ADGRL4: variants seen among roughly 807,000 people sequenced by gnomAD.
ADGRL4 encodes the protein adhesion G protein-coupled receptor L4, also known as EGF, latrophilin and seven transmembrane domain containing 1.
A neutral mutation model predicts 74.8 loss-of-function variants in ADGRL4; 90 were observed. The ratio of observed to expected loss-of-function variants is 1.20; its 90% CI spans 1.02 to 1.43. The LOEUF (loss-of-function observed/expected upper bound fraction) is 1.43. Among genes scored for constraint, ADGRL4 ranks in the 40% most tolerant of loss-of-function variants. The pLI is 0.00. For synonymous variants in ADGRL4, 311 were observed against 279.2 expected, an observed-to-expected ratio of 1.11 and a Z score of -1.14; for missense variants, 881 against 814.3, an observed-to-expected ratio of 1.08 and a Z score of -1.00.
chr1:78,891,140 A>C lies in ADGRL4; in HGVS notation c.*14T>G, dbSNP rs988666224. On this transcript the variant is annotated 3_prime_UTR_variant, in exon 15 of 15. Coordinates refer to ENST00000370742, the MANE Select transcript of ADGRL4 (RefSeq NM_022159.4). ...TATTTTTGTGCAGTTGTAATTATCC[A>C]CCATTCTCTATGTTTACCTTAAACA... The C allele has an allele frequency of 1.2e-6, 2 of 1,610,970 alleles. No individual in the cohort carries two copies. The highest frequency in any genetic ancestry group is 2.7e-5 in the African/African-American group (2 of 74,826).
intron 12 of ADGRL4, among the ~76,000 whole-genome samples, chr1:78,916,920 A>G (rs1648884149): frequency 6.6e-6 from 1 of 151,888 alleles, no homozygotes; most frequent in Admixed American, 6.6e-5. Context: ...AATGCTCTTC[A>G]GACATACAAA....
intron 2 of ADGRL4, among the ~76,000 whole-genome samples, chr1:78,946,649 TAA>T (rs1222738175): frequency 6.6e-6 from 1 of 152,164 alleles, no homozygotes; most frequent in Non-Finnish European, 1.5e-5. Context: ...TCTCTTACTT[TAA>T]AAGCACTAGA....
At chr1:78,954,343 GAA>G (rs1014543732) in intron 2 of ADGRL4, among the ~76,000 whole-genome samples, 5 of 151,686 alleles carry the variant, frequency 3.3e-5, no homozygotes, top group African/African-American at 9.7e-5. Flanking sequence ...GAAATGTACT[GAA>G]AATTCACAAT....
At chr1:78,983,507 T>A (rs1650436778) in intron 2 of ADGRL4, among the ~76,000 whole-genome samples, 1 of 149,438 alleles carries the variant, frequency 6.7e-6, no homozygotes, top group Non-Finnish European at 1.5e-5. Flanking sequence ...AGATTAAATA[T>A]AGCTATAGAA....
chr1:79,004,189 G>A (rs1028774145), intron 2 of ADGRL4, among the ~76,000 whole-genome samples: 1 of 151,972 alleles, frequency 6.6e-6, no homozygotes, highest in Admixed American at 6.6e-5. Context: ...ATACATTTAG[G>A]TGCATAACAC....
At chr1:78,980,995 G>C (rs190061664) in intron 2 of ADGRL4, among the ~76,000 whole-genome samples, 25 of 152,074 alleles carry the variant, frequency 1.6e-4, no homozygotes, top group Non-Finnish European at 3.2e-4. Context: ...CATTTGTGCA[G>C]TGTAGCCTAA....
At chr1:78,919,789 T>C (rs538752071) in intron 10 of ADGRL4, among the ~76,000 whole-genome samples, 3 of 152,102 alleles carry the variant, frequency 2.0e-5, no homozygotes, top group South Asian at 2.1e-4. Flanking sequence ...AAAACCAATT[T>C]ATCACATTCC....
chr1:78,918,982 A>C (rs921754673), intron 10 of ADGRL4, among the ~76,000 whole-genome samples: 4 of 152,072 alleles, frequency 2.6e-5, no homozygotes, highest in East Asian at 1.9e-4. Context: ...TTTGGGGTGA[A>C]GATAATGGTG....
intron 2 of ADGRL4, among the ~76,000 whole-genome samples, chr1:78,955,689 T>C (rs923568415): frequency 3.9e-5 from 6 of 152,104 alleles, no homozygotes; most frequent in Non-Finnish European, 7.4e-5. Flanking sequence ...TTCATTTTTT[T>C]CCTGATGTAA....
intron 12 of ADGRL4, among the ~76,000 whole-genome samples, chr1:78,896,011 C>T (rs760968065): frequency 3.3e-5 from 5 of 151,816 alleles, no homozygotes; most frequent in African/African-American, 4.8e-5. Flanking sequence ...CCAGTAGAGG[C>T]GAAGGAGGAC....
intron 2 of ADGRL4, among the ~76,000 whole-genome samples, chr1:79,002,501 G>A (rs1023835546): frequency 2.0e-5 from 3 of 152,096 alleles, no homozygotes; most frequent in African/African-American, 7.2e-5. Flanking sequence ...AAGTCAGAAT[G>A]TTAAGGGCCT....
In ADGRL4 at chr1:78,920,387, C is replaced by T; in HGVS notation, c.1258-1G>A. 6.5e-7 allele frequency: 1 copy of T among 1,540,350 alleles called. No individual in the cohort carries two copies. The highest frequency in any genetic ancestry group is 8.9e-7 in the Non-Finnish European group (1 of 1,122,444). ...TAAGAATATTATAATCTTTAATACC[C>T]TAAGGGAAAATAATAATAAAGCAGT... On this transcript the variant is annotated splice_acceptor_variant, in intron 9 of 14. Coordinates refer to ENST00000370742, the MANE Select transcript of ADGRL4 (RefSeq NM_022159.4). LOFTEE classifies it high-confidence loss of function.
At chr1:78,990,640 TG>T (rs1274523266) in intron 2 of ADGRL4, among the ~76,000 whole-genome samples, 9 of 151,970 alleles carry the variant, frequency 5.9e-5, no homozygotes, top group Non-Finnish European at 4.4e-5. Flanking sequence ...ACAAATAAAC[TG>T]AAATTCAAAG....
chr1:78,970,235 C>G (rs777961258), intron 2 of ADGRL4, among the ~76,000 whole-genome samples: 12 of 152,052 alleles, frequency 7.9e-5, no homozygotes, highest in Admixed American at 1.3e-4. Flanking sequence ...TGGGTCAAAG[C>G]CCTAGGAAGG....
chr1:78,944,829 C>T (rs771295757), intron 3 of ADGRL4, among the ~76,000 whole-genome samples: 11 of 152,050 alleles, frequency 7.2e-5, no homozygotes, highest in East Asian at 1.9e-4. Context: ...TGTTGTGAAG[C>T]GTAGGTACAT....
At chr1:78,990,113 G>T (rs939411180) in intron 2 of ADGRL4, among the ~76,000 whole-genome samples, 3 of 151,786 alleles carry the variant, frequency 2.0e-5, no homozygotes, top group African/African-American at 7.2e-5. Flanking sequence ...TTACCTCAGT[G>T]GATCTCCATC....
chr1:78,972,317 A>G (rs1017700186), intron 2 of ADGRL4, among the ~76,000 whole-genome samples: 6 of 152,182 alleles, frequency 3.9e-5, no homozygotes, highest in Non-Finnish European at 5.9e-5. Context: ...TTATGGAGGA[A>G]TCTCCAGTAA....
At chr1:78,946,841 A>G (rs1422923841) in intron 2 of ADGRL4, among the ~76,000 whole-genome samples, 1 of 152,232 alleles carries the variant, frequency 6.6e-6, no homozygotes, top group Non-Finnish European at 1.5e-5. Flanking sequence ...GTTATCATGT[A>G]CTATTTATTT....
chr1:78,967,379 T>C (rs1273934006), intron 2 of ADGRL4, among the ~76,000 whole-genome samples: 2 of 152,186 alleles, frequency 1.3e-5, no homozygotes, highest in African/African-American at 2.4e-5. Flanking sequence ...TGGCTGCACC[T>C]AGCACACAAT....
Sources: allele counts gnomAD v4.1 joint callset (sites outside exome capture counted in the v4.1 genomes callset), GRCh38; gene constraint gnomAD v4.1.1; transcripts MANE v1.5; gene names NCBI Gene and HGNC (gene_info 2026-07-23, HGNC 2026-07-21).